The following CNTLN variants were observed in gnomAD, a reference collection of about 807,000 sequenced individuals.
CNTLN encodes centlein.
In CNTLN, 212 loss-of-function variants were observed where a neutral mutation model predicts 180.0. The ratio of observed to expected loss-of-function variants is 1.18; its 90% CI spans 1.05 to 1.32. The LOEUF (loss-of-function observed/expected upper bound fraction) is 1.32. Ranked by LOEUF, CNTLN falls within the 40% of genes most tolerant of loss-of-function variation. The pLI is 0.00. For synonymous variants in CNTLN, 722 were observed against 563.1 expected (o/e 1.28, Z -3.99); for missense variants, 2,095 against 1,610.9 (o/e 1.30, Z -5.14).
At chr9:17,436,945 T>A (rs1180171475) in intron 18 of CNTLN, among the ~76,000 whole-genome samples, 1 of 152,252 alleles carries the variant, frequency 6.6e-6, no homozygotes, top group African/African-American at 2.4e-5. Context: ...GTATTCATTT[T>A]ATATACGTCA....
chr9:17,303,500 A>G (rs1396822803), intron 7 of CNTLN, among the ~76,000 whole-genome samples: 1 of 151,894 alleles, frequency 6.6e-6, no homozygotes, highest in East Asian at 1.9e-4. Flanking sequence ...TTATCTTGCT[A>G]TTACATCACA....
At chr9:17,334,478 C>A (rs1416372748) in intron 10 of CNTLN, among the ~76,000 whole-genome samples, 2 of 151,890 alleles carry the variant, frequency 1.3e-5, no homozygotes, top group African/African-American at 4.8e-5. Flanking sequence ...TATATAATTC[C>A]TTATAGTAAA....
At chr9:17,259,052 A>G (rs1344961868) in intron 5 of CNTLN, among the ~76,000 whole-genome samples, 1 of 147,398 alleles carries the variant, frequency 6.8e-6, no homozygotes, top group African/African-American at 2.6e-5. Context: ...GTCTTGTGCC[A>G]GTTTTCAAAG....
chr9:17,203,194 CAG>C (rs1311043017), intron 2 of CNTLN, among the ~76,000 whole-genome samples: 1 of 152,162 alleles, frequency 6.6e-6, no homozygotes, highest in African/African-American at 2.4e-5. Context: ...AAGGTTTCTG[CAG>C]AGAGATCCAC....
intron 2 of CNTLN, among the ~76,000 whole-genome samples, chr9:17,153,314 A>G (rs573931022): frequency 6.6e-6 from 1 of 152,286 alleles, no homozygotes; most frequent in Non-Finnish European, 1.5e-5. Context: ...TTCCATGTGT[A>G]GTGCTTCTTT....
At position 17,166,041 on chromosome 9, in the gene CNTLN, T is replaced by G. The variant is rs148831498; in HGVS notation, c.449+22665T>G. On this transcript the variant is annotated intron_variant, in intron 2 of 25. Coordinates refer to ENST00000380647, the MANE Select transcript of CNTLN (RefSeq NM_017738.4). ...TGTGAAACAAATGATCATAAGACAT[T>G]TGAGTAAAACTTTTAATATGAAGGA... Among the ~76,000 whole-genome samples, 320 of 152,210 alleles carry G rather than the reference T, an allele frequency of 2.1e-3. 14 individuals carry two copies. The East Asian group carries it at 0.047, about 22-fold the overall frequency.
rs200449439 is a variant in CNTLN, at chr9:17,457,733, T to G, written c.3306+18T>G. 340 of 1,381,662 alleles carry G rather than the reference T, an allele frequency of 2.5e-4. 3 individuals carry two copies. In the East Asian group the frequency reaches 7.7e-3, roughly 31 times the overall value. The allele number at this position is 1,381,662 out of a possible 1,614,324, so 85.6% of individuals were successfully genotyped here. A position where few individuals can be genotyped will look rare whatever the true frequency, so the allele number is the denominator to read the frequency against. On this transcript the variant is annotated intron_variant, in intron 19 of 25. Transcript: ENST00000380647. ...AACTAAAGGTGATTATAAAATTTAT[T>G]AAGCATGAAAACATACATTATGCTT...
chr9:17,240,030 G>C (rs1825390746), intron 5 of CNTLN, among the ~76,000 whole-genome samples: 2 of 152,050 alleles, frequency 1.3e-5, no homozygotes, highest in Admixed American at 1.3e-4. Context: ...AGATTGCCTT[G>C]AATCAGTAGA....
At chr9:17,162,426 C>CT (rs1819747739) in intron 2 of CNTLN, among the ~76,000 whole-genome samples, 1 of 152,154 alleles carries the variant, frequency 6.6e-6, no homozygotes, top group South Asian at 2.1e-4. Flanking sequence ...GTCTTGCTTT[C>CT]TTTTATGGCC....
intron 5 of CNTLN, among the ~76,000 whole-genome samples, chr9:17,238,986 C>G (rs1428189285): frequency 1.3e-5 from 2 of 152,010 alleles, no homozygotes; most frequent in Non-Finnish European, 2.9e-5. Flanking sequence ...ATTGTTTGCC[C>G]TTTTTGTTAT....
chr9:17,153,281 A>G (rs754057123), intron 2 of CNTLN, among the ~76,000 whole-genome samples: 5 of 152,182 alleles, frequency 3.3e-5, no homozygotes, highest in Admixed American at 2.0e-4. Context: ...ATGTTTTTGC[A>G]GTGGCCGATA....
intron 7 of CNTLN, among the ~76,000 whole-genome samples, chr9:17,303,975 TTC>T (rs1472900262): frequency 6.6e-6 from 1 of 152,208 alleles, no homozygotes; most frequent in South Asian, 2.1e-4. Flanking sequence ...GTTTCCTCTG[TTC>T]TCTTTCTCTC....
chr9:17,414,630 C>G (rs1828089236), intron 16 of CNTLN, among the ~76,000 whole-genome samples: 1 of 152,116 alleles, frequency 6.6e-6, no homozygotes, highest in African/African-American at 2.4e-5. Flanking sequence ...TGAAACTAAT[C>G]ATTTGAAAGG....
At chr9:17,370,964 A>C (rs1824269539) in intron 13 of CNTLN, among the ~76,000 whole-genome samples, 1 of 152,048 alleles carries the variant, frequency 6.6e-6, no homozygotes, top group Non-Finnish European at 1.5e-5. Flanking sequence ...GCTACGCAAA[A>C]AATAAAAAGA....
chr9:17,298,977 C>T, intron 7 of CNTLN: 6 of 972,772 alleles, frequency 6.2e-6, no homozygotes, highest in Non-Finnish European at 7.3e-6. Flanking sequence ...GGCATGGTGG[C>T]TCATGCCTGT....
At chr9:17,453,360 T>C (rs1291133057) in intron 18 of CNTLN, among the ~76,000 whole-genome samples, 1 of 152,004 alleles carries the variant, frequency 6.6e-6, no homozygotes, top group East Asian at 1.9e-4. Flanking sequence ...ATAAAATGAA[T>C]ACAAAATTAT....
chr9:17,139,155 T>C (rs1285207475), intron 1 of CNTLN, among the ~76,000 whole-genome samples: 2 of 152,110 alleles, frequency 1.3e-5, no homozygotes, highest in Non-Finnish European at 2.9e-5. Context: ...TGGTGCAATA[T>C]GGGCTCACTG....
intron 2 of CNTLN, among the ~76,000 whole-genome samples, chr9:17,187,703 TTTA>T (rs1821518883): frequency 6.6e-6 from 1 of 151,690 alleles, no homozygotes; most frequent in Non-Finnish European, 1.5e-5. Flanking sequence ...TTTAACATAA[TTTA>T]TTGTTATGTT....
At chr9:17,194,338 A>G (rs1466420622) in intron 2 of CNTLN, among the ~76,000 whole-genome samples, 1 of 152,088 alleles carries the variant, frequency 6.6e-6, no homozygotes, top group African/African-American at 2.4e-5. Flanking sequence ...TCCCTTATAA[A>G]CCTAAATGTC....
Sources: allele counts gnomAD v4.1 joint callset (sites outside exome capture counted in the v4.1 genomes callset), GRCh38; gene constraint gnomAD v4.1.1; transcripts MANE v1.5; gene names NCBI Gene and HGNC (gene_info 2026-07-23, HGNC 2026-07-21).